The following NEK4 variants were observed in gnomAD, a reference collection of about 807,000 sequenced individuals.
NEK4 encodes NIMA related kinase 4.
Under a neutral mutation model 98.4 loss-of-function variants are expected in NEK4, and 86 were observed. The ratio of observed to expected loss-of-function variants is 0.87; its 90% CI spans 0.73 to 1.05. NEK4 has a LOEUF of 1.05. Ranked by LOEUF, NEK4 falls within the 50% of genes least tolerant of loss-of-function variation. The probability of loss-of-function intolerance (pLI) is 0.00; values close to 1 mark genes in which losing one functional copy is unlikely to be tolerated. For synonymous variants in NEK4, 328 were observed against 342.2 expected (o/e 0.96, Z 0.46); for missense variants, 898 against 950.3 (o/e 0.94, Z 0.72).
chr3:52,739,330 CA>C (rs1447682493), intron 14 of NEK4, 98 bp downstream of exon 14: 5 of 972,948 alleles, frequency 5.1e-6, no homozygotes, highest in Non-Finnish European at 8.0e-6. Flanking sequence ...ACCCGGGAGG[CA>C]AAGGTTGCAG....
At chr3:52,733,266 G>C (rs1273661908) in intron 15 of NEK4, 2 of 312,790 alleles carry the variant, frequency 6.4e-6, no homozygotes, top group Non-Finnish European at 1.3e-5. Flanking sequence ...ATTCATACTG[G>C]ACAGAAGCCT....
At chr3:52,750,808 G>C (rs1254598749) in intron 7 of NEK4, among the ~76,000 whole-genome samples, 1 of 152,094 alleles carries the variant, frequency 6.6e-6, no homozygotes, top group East Asian at 1.9e-4. Context: ...GGGCATGTCT[G>C]TGGTCCCAGC....
intron 15 of NEK4, chr3:52,733,617 T>G (rs1228334630): frequency 2.0e-6 from 1 of 503,012 alleles, no homozygotes; most frequent in African/African-American, 2.0e-5. Flanking sequence ...TAACAAACGT[T>G]GAAAGCATTT....
At chr3:52,743,148 G>C in intron 12 of NEK4, 1 of 499,742 alleles carries the variant, frequency 2.0e-6, no homozygotes, top group South Asian at 2.9e-5. Flanking sequence ...GTTTACAAGA[G>C]TACCTGAAAA....
chr3:52,748,456 C>G (rs1197027812), intron 8 of NEK4, among the ~76,000 whole-genome samples: 1 of 152,092 alleles, frequency 6.6e-6, no homozygotes, highest in Non-Finnish European at 1.5e-5. Flanking sequence ...TCTGAAACTA[C>G]TGATGTTTGA....
intron 2 of NEK4, 29 bp from the exon 3 acceptor site, chr3:52,766,404 TATAA>T: frequency 6.8e-7 from 1 of 1,479,544 alleles, no homozygotes; most frequent in Non-Finnish European, 9.4e-7. Context: ...TTTTATTACA[TATAA>T]ATAGACTTAA....
rs778767903 is a variant in NEK4, at chr3:52,746,120, G to A, written c.1768C>T (p.Arg590Cys). 2.0e-5 allele frequency: 33 copies of A among 1,613,904 alleles called. 1 individual carries two copies. The Middle Eastern group carries it at 1.5e-3, about 72-fold the overall frequency. The change falls in exon 10 of 16, where the codon CGT (arginine) becomes TGT (cysteine). Residue 590 changes from arginine to cysteine, a missense_variant. Arg to Cys is a radical substitution (Grantham distance 180, BLOSUM62 -3). Coordinates refer to ENST00000233027, the MANE Select transcript of NEK4 (RefSeq NM_003157.6). The part of the protein sequence containing the change: ...TSTQKEAENQ[R>C]RVVTGSVSSS... ...CTCACAGACCCAGTGACCACTCTAC[G>A]TTGGTTTTCAGCCTCTTTTTGTGTT...
At chr3:52,718,371 G>T (rs1033446886) in intron 15 of NEK4, among the ~76,000 whole-genome samples, 7 of 150,402 alleles carry the variant, frequency 4.7e-5, no homozygotes, top group African/African-American at 1.7e-4. Context: ...TACTCGGTAG[G>T]ATGAGGCAGG....
Position 52,752,368 on chromosome 3 carries a change from G to A in NEK4, c.964-32C>T, listed in dbSNP as rs781327996. ...GAAAAGATGTTTGGAAATTATTATA[G>A]CACTCCTCATATCTTATACAAAATC... On this transcript the variant is annotated intron_variant, in intron 6 of 15. Coordinates refer to ENST00000233027, the MANE Select transcript of NEK4 (RefSeq NM_003157.6). 4.4e-6 allele frequency: 7 copies of A among 1,589,722 alleles called. No individual in the cohort carries two copies. The South Asian group carries it at 8.0e-5, about 18-fold the overall frequency.
At chr3:52,715,191 G>T (rs2097354037) in intron 15 of NEK4, among the ~76,000 whole-genome samples, 7 of 152,224 alleles carry the variant, frequency 4.6e-5, no homozygotes, top group Admixed American at 4.6e-4. Flanking sequence ...GGACAAATCA[G>T]CAGGTACTTC....
chr3:52,762,582 C>T (rs1162364119), intron 5 of NEK4, among the ~76,000 whole-genome samples: 4 of 152,318 alleles, frequency 2.6e-5, no homozygotes, highest in Non-Finnish European at 2.9e-5. Context: ...CCAAAATATG[C>T]TACTTTGGCA....
intron 6 of NEK4, among the ~76,000 whole-genome samples, chr3:52,753,003 A>G (rs1578681551): frequency 6.6e-6 from 1 of 150,842 alleles, no homozygotes; most frequent in East Asian, 1.9e-4. Context: ...GATACATGCT[A>G]AAACACGAAT....
chr3:52,757,509 G>A lies in NEK4; in HGVS notation c.963+3286C>T, dbSNP rs576479019. Among the ~76,000 whole-genome samples, 132 of 149,588 alleles carry A rather than the reference G, an allele frequency of 8.8e-4. 1 individual carries two copies. The highest frequency in any genetic ancestry group is 1.3e-3 in the Non-Finnish European group (85 of 67,642). On this transcript the variant is annotated intron_variant, in intron 6 of 15. Transcript: ENST00000233027. ...GGAGGTGGAGGTTACAGTGAGCCAC[G>A]ATTGTGCCACTGCGCTCCAACCTGG...
At position 52,763,849 on chromosome 3, in the gene NEK4, C is replaced by T. The variant is rs552605059; in HGVS notation, c.667-225G>A. On this transcript the variant is annotated intron_variant, in intron 4 of 15. Transcript: ENST00000233027. ...CCCAGCAGTCCCATCTGATGACACT[C>T]TCATTCAGAAATAAGAGTATGAGTT... 1.7e-4 allele frequency among the ~76,000 whole-genome samples: 26 copies of T among 152,326 alleles called. No homozygotes were observed. The East Asian group carries it at 4.8e-3, about 28-fold the overall frequency.
In NEK4 at chr3:52,737,408, G is replaced by A. The variant is rs867593768; in HGVS notation, c.2433+178C>T. 4.0e-4 allele frequency: 227 copies of A among 573,288 alleles called. 2 individuals are homozygous for A. In the Middle Eastern group the frequency reaches 0.013, roughly 34 times the overall value. The allele number at this position is 573,288 out of a possible 1,614,324, so 35.5% of individuals were successfully genotyped here. On this transcript the variant is annotated intron_variant, in intron 15 of 15. Coordinates refer to ENST00000233027, the MANE Select transcript of NEK4 (RefSeq NM_003157.6). The stretch of plus-strand genomic sequence containing the variant: ...TAACAGGTGCAGGGCTTCTTGGGGC[G>A]TAATGAAAATGTTCTAATATCGATT...
chr3:52,726,414 C>A (rs1289894152), intron 15 of NEK4, among the ~76,000 whole-genome samples: 4 of 151,258 alleles, frequency 2.6e-5, no homozygotes, highest in Admixed American at 6.6e-5. Flanking sequence ...CTGGCTAACA[C>A]GGTGAAACCC....
At chr3:52,742,856 C>T (rs1007819743) in intron 12 of NEK4, among the ~76,000 whole-genome samples, 4 of 152,146 alleles carry the variant, frequency 2.6e-5, no homozygotes, top group Non-Finnish European at 4.4e-5. Context: ...GTGGTGTGAA[C>T]ACAACTCACT....
chr3:52,718,121 T>C (rs1561283657), intron 15 of NEK4, among the ~76,000 whole-genome samples: 2 of 152,110 alleles, frequency 1.3e-5, no homozygotes, highest in Admixed American at 6.6e-5. Context: ...TTTAAATTCT[T>C]TGTTTTCTCT....
intron 11 of NEK4, 46 bp downstream of exon 11, chr3:52,744,193 C>T (rs368635722): frequency 6.9e-5 from 97 of 1,398,476 alleles, no homozygotes; most frequent in Non-Finnish European, 9.4e-5. Flanking sequence ...GTCCACGAAC[C>T]ATACCCCTAA....
Sources: gnomAD v4.1 joint callset for allele counts (sites outside exome capture counted in the v4.1 genomes callset) on GRCh38, gnomAD v4.1.1 for gene constraint, MANE v1.5 for transcripts, NCBI Gene and HGNC (gene_info 2026-07-23, HGNC 2026-07-21) for gene names.